The following TMEM178A variants were observed in gnomAD, a reference collection of about 807,000 sequenced individuals.
TMEM178A encodes the protein transmembrane protein 178.
TMEM178A carries 12 observed loss-of-function variants against 29.1 expected under a neutral mutation model. That is an observed-to-expected ratio of 0.41 (90% confidence interval 0.26 to 0.67). The LOEUF is 0.67. Ranked by LOEUF, TMEM178A falls within the 30% of genes least tolerant of loss-of-function variation. TMEM178A has a pLI of 0.29. For missense variants in TMEM178A, 366 were observed against 419.1 expected, an observed-to-expected ratio of 0.87 and a Z score of 1.11; for synonymous variants, 210 against 187.2, an observed-to-expected ratio of 1.12 and a Z score of -0.99.
the TMEM178A span, among the ~76,000 whole-genome samples, chr2:39,729,243 T>C: frequency 1.8e-4 from 27 of 152,304 alleles, no homozygotes; most frequent in Admixed American, 3.9e-4. Context: ...ACCATGGATA[T>C]TGAACGCTGA....
chr2:39,709,490 T>G (rs888088509), intron 3 of TMEM178A, among the ~76,000 whole-genome samples: 1 of 152,196 alleles, frequency 6.6e-6, no homozygotes, highest in African/African-American at 2.4e-5. Flanking sequence ...GAGGAGGATT[T>G]GGACCCTCAA....
At chr2:39,692,037 T>C (rs568814301) in intron 1 of TMEM178A, among the ~76,000 whole-genome samples, 5 of 152,304 alleles carry the variant, frequency 3.3e-5, no homozygotes, top group African/African-American at 1.2e-4. Context: ...GAAGACATTA[T>C]GCTAAGTGAA....
intron 1 of TMEM178A, among the ~76,000 whole-genome samples, chr2:39,675,415 G>GGA (rs1553344147): frequency 6.6e-6 from 1 of 151,774 alleles, no homozygotes; most frequent in African/African-American, 2.4e-5. Context: ...TTATAAAAGG[G>GGA]CAGTTTTGTA....
At chr2:39,670,275 A>T (rs1213506882) in intron 1 of TMEM178A, among the ~76,000 whole-genome samples, 1 of 152,222 alleles carries the variant, frequency 6.6e-6, no homozygotes, top group Non-Finnish European at 1.5e-5. Flanking sequence ...GGAAATGACA[A>T]GTGGCCTAAA....
At chr2:39,699,222 T>A (rs1671679517) in intron 1 of TMEM178A, among the ~76,000 whole-genome samples, 2 of 151,354 alleles carry the variant, frequency 1.3e-5, no homozygotes, top group Admixed American at 6.6e-5. Context: ...AGATGGGGTT[T>A]TCCTCTGTTG....
At position 39,680,782 on chromosome 2, in the gene TMEM178A, T is replaced by C. The variant is rs558197295; in HGVS notation, c.400+14408T>C. ...TTTTTTGTTTCAACAGGAAAAACAT[T>C]GTAGGTTTATTCCTTCTTTGCTTCA... is the stretch of plus-strand genomic sequence containing the variant. On this transcript the variant is annotated intron_variant, in intron 1 of 3. Coordinates refer to ENST00000281961, the MANE Select transcript of TMEM178A (RefSeq NM_152390.3). 3.3e-5 allele frequency among the ~76,000 whole-genome samples: 5 copies of C among 152,282 alleles called. No individual in the cohort carries two copies. The South Asian group carries it at 1.0e-3, about 32-fold the overall frequency.
intron 1 of TMEM178A, among the ~76,000 whole-genome samples, chr2:39,691,800 T>C (rs904973624): frequency 8.6e-5 from 13 of 151,576 alleles, no homozygotes; most frequent in African/African-American, 7.2e-5. Flanking sequence ...TATAGATATA[T>C]AAAACATTTA....
At chr2:39,732,456 G>C in the TMEM178A span, among the ~76,000 whole-genome samples, 1 of 152,140 alleles carries the variant, frequency 6.6e-6, no homozygotes, top group African/African-American at 2.4e-5. Flanking sequence ...ATCTGATGAG[G>C]ATGTGCTGCT....
intron 2 of TMEM178A, among the ~76,000 whole-genome samples, chr2:39,705,186 C>T (rs1671971466): frequency 6.6e-6 from 1 of 152,240 alleles, no homozygotes; most frequent in South Asian, 2.1e-4. Flanking sequence ...TGTGATTGCC[C>T]AGCAAGGCAG....
At chr2:39,704,293 T>C (rs899705339) in intron 2 of TMEM178A, 99 bp downstream of exon 2, 1 of 1,004,372 alleles carries the variant, frequency 1.0e-6, no homozygotes. Flanking sequence ...GTTGTTCTTA[T>C]CCTCTGTGAG....
intron 3 of TMEM178A, among the ~76,000 whole-genome samples, chr2:39,708,442 G>A (rs1256781746): frequency 3.5e-5 from 4 of 112,900 alleles, no homozygotes; most frequent in South Asian, 3.4e-4. Context: ...TTTTTGAGAC[G>A]GAGTTTCGCT....
intron 1 of TMEM178A, among the ~76,000 whole-genome samples, chr2:39,675,051 TTC>T (rs1670559036): frequency 6.6e-6 from 1 of 152,232 alleles, no homozygotes; most frequent in African/African-American, 2.4e-5. Context: ...CTGCCTTCAT[TTC>T]TCTCTCAAAC....
At chr2:39,668,796 A>G (rs1264336636) in intron 1 of TMEM178A, among the ~76,000 whole-genome samples, 1 of 152,216 alleles carries the variant, frequency 6.6e-6, no homozygotes, top group East Asian at 1.9e-4. Flanking sequence ...CAGTTTCATC[A>G]TCTGTGAAAT....
chr2:39,678,649 T>G (rs1389976519), intron 1 of TMEM178A, among the ~76,000 whole-genome samples: 4 of 152,154 alleles, frequency 2.6e-5, no homozygotes, highest in Non-Finnish European at 5.9e-5. Flanking sequence ...GATTGCACAA[T>G]GTACTAAATG....
the TMEM178A span, among the ~76,000 whole-genome samples, chr2:39,725,101 A>G: frequency 6.6e-6 from 1 of 152,086 alleles, no homozygotes; most frequent in African/African-American, 2.4e-5. Flanking sequence ...TGTTCACAGG[A>G]GTAGGGGAAT....
At chr2:39,686,366 A>T (rs1429187866) in intron 1 of TMEM178A, among the ~76,000 whole-genome samples, 1 of 152,148 alleles carries the variant, frequency 6.6e-6, no homozygotes. Context: ...TCCATAAAGG[A>T]TGTTGCCAGA....
chr2:39,711,782 G>C (rs989024744), intron 3 of TMEM178A, among the ~76,000 whole-genome samples: 9 of 152,064 alleles, frequency 5.9e-5, no homozygotes, highest in Non-Finnish European at 8.8e-5. Flanking sequence ...TGTAATTCAG[G>C]ATCTAAAACT....
chr2:39,723,680 A>C, the TMEM178A span, among the ~76,000 whole-genome samples: 11 of 152,260 alleles, frequency 7.2e-5, no homozygotes, highest in East Asian at 1.9e-3. Flanking sequence ...ATATCTTGTT[A>C]CTATTTGCCC....
chr2:39,717,877 A>G lies in TMEM178A; in HGVS notation c.*626A>G, dbSNP rs1190720934. On this transcript the variant is annotated 3_prime_UTR_variant, in exon 4 of 4. Coordinates refer to ENST00000281961, the MANE Select transcript of TMEM178A (RefSeq NM_152390.3). ...TGCTTAAGAGCTAACTCGTGACACT[A>G]TGCAGTATTGTTTGAAGACCTGTTG... 3 of 152,634 alleles carry G rather than the reference A, an allele frequency of 2.0e-5. No individual in the cohort carries two copies. The highest frequency in any genetic ancestry group is 4.8e-5 in the African/African-American group (2 of 41,414). 9.5% of individuals were successfully genotyped at this position (152,634 alleles called of 1,614,324 possible). A position where few individuals can be genotyped will look rare whatever the true frequency, so the allele number is the denominator to read the frequency against.
Sources: allele counts gnomAD v4.1 joint callset (sites outside exome capture counted in the v4.1 genomes callset), GRCh38; gene constraint gnomAD v4.1.1; transcripts MANE v1.5; gene names NCBI Gene and HGNC (gene_info 2026-07-23, HGNC 2026-07-21).